Variants in CREB5 observed in about 807,000 individuals in gnomAD.
CREB5 encodes cyclic AMP-responsive element-binding protein 5.
Under a neutral mutation model 57.1 loss-of-function variants are expected in CREB5, and 19 were observed. The observed-to-expected ratio is 0.33, with a 90% CI of 0.23 to 0.49. The LOEUF (loss-of-function observed/expected upper bound fraction) is 0.49, where lower values mean the gene tolerates loss of function less well. CREB5 is among the 20% of genes least tolerant of loss of function. CREB5 has a pLI of 0.99. For synonymous variants in CREB5, 238 were observed against 238.3 expected (o/e 1.00, Z 0.01); for missense variants, 579 against 671.6 (o/e 0.86, Z 1.52).
chr7:28,606,289 C>T (rs1583407117), intron 5 of CREB5, among the ~76,000 whole-genome samples: 2 of 152,172 alleles, frequency 1.3e-5, no homozygotes, highest in Non-Finnish European at 2.9e-5. Context: ...TATATTCATG[C>T]TTGTGGGTAG....
At chr7:28,561,025 CGTGTGTGTGTGT>C (rs79113344) in intron 4 of CREB5, among the ~76,000 whole-genome samples, 1 of 49,710 alleles carries the variant, frequency 2.0e-5, no homozygotes. Context: ...TGCGTGTGTG[CGTGTGTGTGTGT>C]GTGTGTGAAG....
At chr7:28,573,342 T>C (rs1345004680) in intron 5 of CREB5, among the ~76,000 whole-genome samples, 1 of 152,220 alleles carries the variant, frequency 6.6e-6, no homozygotes, top group African/African-American at 2.4e-5. Flanking sequence ...CTCAAATATT[T>C]AAGTGTCAAA....
chr7:28,413,381 T>C (rs1020629245), intron 1 of CREB5, among the ~76,000 whole-genome samples: 9 of 152,092 alleles, frequency 5.9e-5, no homozygotes, highest in Admixed American at 5.9e-4. Flanking sequence ...ATTCTATGGG[T>C]TGAATATCAA....
chr7:28,442,292 A>C (rs1789223932), intron 1 of CREB5, among the ~76,000 whole-genome samples: 1 of 152,244 alleles, frequency 6.6e-6, no homozygotes, highest in Non-Finnish European at 1.5e-5. Flanking sequence ...TTATGACTGA[A>C]TAGTATTCCA....
chr7:28,577,131 C>T (rs545471386), intron 5 of CREB5, among the ~76,000 whole-genome samples: 140 of 152,320 alleles, frequency 9.2e-4, no homozygotes, highest in Non-Finnish European at 6.2e-4. Context: ...ACATTTGCCA[C>T]CTTGGCTAAG....
chr7:28,807,176 C>T (rs767797334), intron 8 of CREB5, among the ~76,000 whole-genome samples: 10 of 152,104 alleles, frequency 6.6e-5, no homozygotes, highest in Non-Finnish European at 1.3e-4. Flanking sequence ...TGGCCTGGTG[C>T]GGTGGCTCAC....
At chr7:28,646,178 A>C (rs1159776958) in intron 5 of CREB5, among the ~76,000 whole-genome samples, 2 of 152,102 alleles carry the variant, frequency 1.3e-5, no homozygotes, top group African/African-American at 4.8e-5. Context: ...TTTATTTTCT[A>C]TCGGTTCTGT....
intron 1 of CREB5, among the ~76,000 whole-genome samples, chr7:28,448,319 T>C (rs1214973751): frequency 6.6e-6 from 1 of 152,242 alleles, no homozygotes; most frequent in Non-Finnish European, 1.5e-5. Flanking sequence ...GTTCCCTTTA[T>C]ATCTATCCTA....
intron 7 of CREB5, among the ~76,000 whole-genome samples, chr7:28,771,435 G>A (rs765537830): frequency 1.3e-5 from 2 of 152,120 alleles, no homozygotes; most frequent in Non-Finnish European, 2.9e-5. Context: ...ATGTGGACAC[G>A]GGATTCACGA....
chr7:28,399,639 G>C (rs1047929335), intron 1 of CREB5, among the ~76,000 whole-genome samples: 1 of 152,094 alleles, frequency 6.6e-6, no homozygotes, highest in African/African-American at 2.4e-5. Flanking sequence ...AATTTGGCCT[G>C]TCATAGTGTC....
chr7:28,412,442 G>A (rs1787836719), upstream of CREB5: 1 of 152,892 alleles, frequency 6.5e-6, no homozygotes, highest in African/African-American at 2.4e-5. Flanking sequence ...TTGCTAACTA[G>A]ATGGCGCACT....
chr7:28,519,039 C>T (rs146944812), intron 4 of CREB5, among the ~76,000 whole-genome samples: 42 of 152,316 alleles, frequency 2.8e-4, no homozygotes, highest in East Asian at 1.2e-3. Context: ...TAGAGCATCT[C>T]ACTTTGAACA....
intron 5 of CREB5, among the ~76,000 whole-genome samples, chr7:28,658,729 A>G (rs1200278288): frequency 6.6e-6 from 1 of 152,026 alleles, no homozygotes; most frequent in Non-Finnish European, 1.5e-5. Flanking sequence ...GGTGATGGGA[A>G]GGCCATGTTG....
chr7:28,672,188 A>AC (rs58150386), intron 5 of CREB5, among the ~76,000 whole-genome samples: 98 of 147,084 alleles, frequency 6.7e-4, no homozygotes, highest in East Asian at 2.7e-3. Context: ...AAAAAAAAAA[A>AC]ACACACACAC....
Position 28,818,109 on chromosome 7 carries a change from G to C in CREB5, c.1293G>C (p.Leu431=). The C allele has an allele frequency of 6.2e-7, 1 of 1,613,712 alleles. No homozygotes were observed. The highest frequency in any genetic ancestry group is 8.5e-7 in the Non-Finnish European group (1 of 1,179,762). The change falls in exon 10 of 11, where the codon CTG becomes CTC. Residue 431 remains leucine, a synonymous_variant. Coordinates refer to ENST00000357727, the MANE Select transcript of CREB5 (RefSeq NM_182898.4). ...TGTTGAAAAATGAGGTGGCCCAGCT[G>C]AAACAGTTGTTGTTAACACATAAAG... ...VSMLKNEVAQ[L]KQLLLTHKDC...
intron 7 of CREB5, among the ~76,000 whole-genome samples, chr7:28,757,985 C>T (rs1805432497): frequency 6.6e-6 from 1 of 152,158 alleles, no homozygotes; most frequent in African/African-American, 2.4e-5. Context: ...AGTAGTATTA[C>T]AGCAATGGTA....
At chr7:28,315,362 G>A (rs113329999) in intron 1 of CREB5, among the ~76,000 whole-genome samples, 115 of 152,292 alleles carry the variant, frequency 7.6e-4, no homozygotes, top group African/African-American at 2.6e-3. Flanking sequence ...AAGTCACTAT[G>A]ATGACTCTGT....
At chr7:28,692,260 G>T (rs542730211) in intron 5 of CREB5, among the ~76,000 whole-genome samples, 2 of 150,912 alleles carry the variant, frequency 1.3e-5, no homozygotes, top group Admixed American at 6.6e-5. Context: ...TTGGTTTTTT[G>T]GGATTCTGAC....
chr7:28,461,170 C>A (rs913484017), intron 1 of CREB5, among the ~76,000 whole-genome samples: 4 of 151,264 alleles, frequency 2.6e-5, no homozygotes, highest in African/African-American at 9.7e-5. Flanking sequence ...CTACAGTGAC[C>A]TGTGAGCTGT....
Sources: allele counts gnomAD v4.1 joint callset (sites outside exome capture counted in the v4.1 genomes callset), GRCh38; gene constraint gnomAD v4.1.1; transcripts MANE v1.5; gene names NCBI Gene and HGNC (gene_info 2026-07-23, HGNC 2026-07-21).